The following PARD3B variants were observed in gnomAD, a reference collection of about 807,000 sequenced individuals.
PARD3B encodes the protein par-3 family cell polarity regulator beta.
PARD3B carries 103 observed loss-of-function variants against 130.2 expected under a neutral mutation model. That is an observed-to-expected ratio of 0.79 (90% confidence interval 0.67 to 0.93). The LOEUF (loss-of-function observed/expected upper bound fraction) is 0.93. Ranked by LOEUF, PARD3B falls within the 40% of genes least tolerant of loss-of-function variation. The probability of loss-of-function intolerance (pLI) is 0.00; values close to 1 mark genes in which losing one functional copy is unlikely to be tolerated. For missense variants in PARD3B, 1,609 were observed against 1,499.2 expected (o/e 1.07, Z -1.21); for synonymous variants, 583 against 553.2 (o/e 1.05, Z -0.76).
chr2:204,762,296 T>G (rs1406209382), intron 2 of PARD3B, among the ~76,000 whole-genome samples: 1 of 151,716 alleles, frequency 6.6e-6, no homozygotes, highest in Non-Finnish European at 1.5e-5. Flanking sequence ...TAATTTTTTG[T>G]AGAGATGGGG....
intron 10 of PARD3B, among the ~76,000 whole-genome samples, chr2:205,152,279 G>C (rs1478970606): frequency 2.0e-5 from 3 of 152,096 alleles, no homozygotes; most frequent in Non-Finnish European, 4.4e-5. Context: ...GGCGTTCTCT[G>C]TATTTCCTGA....
intron 5 of PARD3B, among the ~76,000 whole-genome samples, chr2:205,106,525 G>A (rs74838857): frequency 0.23 from 27,151 of 116,454 alleles, 2,715 homozygotes; most frequent in Middle Eastern, 0.31. Flanking sequence ...GTGTGTGTGT[G>A]TGTGTATATT....
intron 18 of PARD3B, among the ~76,000 whole-genome samples, chr2:205,342,771 T>G (rs911326554): frequency 6.6e-6 from 1 of 152,226 alleles, no homozygotes; most frequent in African/African-American, 2.4e-5. Context: ...CCTGAGTTAC[T>G]GTGTTCTTTG....
At chr2:204,805,483 A>T (rs754993828) in intron 2 of PARD3B, among the ~76,000 whole-genome samples, 7 of 152,060 alleles carry the variant, frequency 4.6e-5, no homozygotes, top group Non-Finnish European at 1.0e-4. Context: ...ATTTCACCAA[A>T]CATTTAAGGA....
chr2:205,178,251 C>T (rs1218404825), intron 13 of PARD3B, among the ~76,000 whole-genome samples: 1 of 135,226 alleles, frequency 7.4e-6, no homozygotes, highest in Non-Finnish European at 1.5e-5. Flanking sequence ...AAGAAGCTGA[C>T]TTTACTTAGT....
intron 2 of PARD3B, among the ~76,000 whole-genome samples, chr2:204,712,033 A>G (rs1034115291): frequency 1.3e-5 from 2 of 152,236 alleles, no homozygotes; most frequent in African/African-American, 4.8e-5. Context: ...TTTGTTTGGT[A>G]GGAAAATCAA....
intron 18 of PARD3B, among the ~76,000 whole-genome samples, chr2:205,343,843 CT>C (rs1270401970): frequency 2.6e-5 from 4 of 152,094 alleles, no homozygotes; most frequent in Non-Finnish European, 5.9e-5. Flanking sequence ...CCCTCACCCC[CT>C]ATGCCTGACC....
At chr2:204,931,787 A>G (rs1179217365) in intron 2 of PARD3B, among the ~76,000 whole-genome samples, 1 of 152,048 alleles carries the variant, frequency 6.6e-6, no homozygotes, top group East Asian at 1.9e-4. Flanking sequence ...ATCCAAACTA[A>G]GAGTGGGGGG....
intron 3 of PARD3B, among the ~76,000 whole-genome samples, chr2:204,997,831 A>G (rs1315259537): frequency 6.7e-6 from 1 of 150,162 alleles, no homozygotes; most frequent in Middle Eastern, 3.2e-3. Context: ...ACATTTATAG[A>G]TATATAATTA....
Position 205,034,741 on chromosome 2 carries a change from G to A in PARD3B, c.395-12840G>A, listed in dbSNP as rs376121458. On this transcript the variant is annotated intron_variant, in intron 3 of 22. Transcript: ENST00000406610. Reference sequence around the variant, plus strand: ...AAAATAATCGCAATTTATAAATAAAGTTAACATACTAGAGATGACAAAATG... The same window carrying A: ...AAAATAATCGCAATTTATAAATAAAATTAACATACTAGAGATGACAAAATG... Among the ~76,000 whole-genome samples, 5 of 152,010 alleles carry A rather than the reference G, an allele frequency of 3.3e-5. No homozygotes were observed. The East Asian group carries it at 7.7e-4, about 23-fold the overall frequency.
At position 205,158,587 on chromosome 2, in the gene PARD3B, G is replaced by A; in HGVS notation, c.1435-135G>A. The A allele has an allele frequency of 3.4e-6, 3 of 886,384 alleles. No homozygotes were observed. The highest frequency in any genetic ancestry group is 5.2e-6 in the Non-Finnish European group (3 of 578,024). 54.9% of individuals were successfully genotyped at this position (886,384 alleles called of 1,614,324 possible). ...GGAGAGCTAAACCCAGCCTTTGCCTGCCAGGAGCCGATTACAGCTGTGAGA... is the reference window on the plus strand; with the variant it reads ...GGAGAGCTAAACCCAGCCTTTGCCTACCAGGAGCCGATTACAGCTGTGAGA... On this transcript the variant is annotated intron_variant, in intron 10 of 22. Transcript: ENST00000406610. The surrounding 1 kb of genome is among the most constrained non-coding windows in gnomAD (Gnocchi z 5.4).
intron 4 of PARD3B, among the ~76,000 whole-genome samples, chr2:205,055,387 A>G (rs1699567495): frequency 1.3e-5 from 2 of 152,216 alleles, no homozygotes; most frequent in Non-Finnish European, 2.9e-5. Flanking sequence ...AATTAAAAAG[A>G]AAGAACATTT....
chr2:205,277,741 G>A lies in PARD3B; in HGVS notation c.2186-22789G>A, dbSNP rs137957003. ...GGAAGAACAAAGGAAGGAGAAGAGA[G>A]GTGAAGTAAGATGAGTGAGAGAGGC... is the stretch of plus-strand genomic sequence containing the variant. On this transcript the variant is annotated intron_variant, in intron 16 of 22. Coordinates refer to ENST00000406610, the MANE Select transcript of PARD3B (RefSeq NM_001302769.2). 4.1e-4 allele frequency among the ~76,000 whole-genome samples: 62 copies of A among 152,188 alleles called. 2 individuals carry two copies. The East Asian group carries it at 0.011, about 27-fold the overall frequency.
chr2:204,775,012 A>G (rs558748420), intron 2 of PARD3B, among the ~76,000 whole-genome samples: 34 of 152,264 alleles, frequency 2.2e-4, no homozygotes, highest in African/African-American at 7.7e-4. Context: ...AAAAATGCCA[A>G]TGTACATCCT....
At chr2:205,382,200 G>T (rs2045476816) in intron 18 of PARD3B, among the ~76,000 whole-genome samples, 1 of 151,876 alleles carries the variant, frequency 6.6e-6, no homozygotes, top group African/African-American at 2.4e-5. Context: ...GTAACTCCTT[G>T]GTCCCCTGTG....
At chr2:204,620,418 C>A (rs1223097929) in intron 1 of PARD3B, among the ~76,000 whole-genome samples, 1 of 152,126 alleles carries the variant, frequency 6.6e-6, no homozygotes, top group Non-Finnish European at 1.5e-5. Flanking sequence ...AAGGCTACAG[C>A]CCAGAAGTGG....
In PARD3B at chr2:205,461,261, C is replaced by G. The variant is rs1401489617; in HGVS notation, c.3044+20589C>G. On this transcript the variant is annotated intron_variant, in intron 20 of 22. Transcript: ENST00000406610. The surrounding 1 kb of genome is among the most constrained non-coding windows in gnomAD (Gnocchi z 4.3). ...TGCTGAAAGAGGCATGAAAGGCACTCTGGGCAGAGGAGCAGCATGGGGGAT... is the reference window on the plus strand; with the variant it reads ...TGCTGAAAGAGGCATGAAAGGCACTGTGGGCAGAGGAGCAGCATGGGGGAT... Among the ~76,000 whole-genome samples the G allele has an allele frequency of 6.6e-6, 1 of 152,110 alleles. No homozygotes were observed. The highest frequency in any genetic ancestry group is 1.5e-5 in the Non-Finnish European group (1 of 68,020).
chr2:205,102,124 C>T (rs1370330534), intron 4 of PARD3B, among the ~76,000 whole-genome samples: 4 of 152,128 alleles, frequency 2.6e-5, no homozygotes, highest in Non-Finnish European at 4.4e-5. Context: ...AACTTACAAG[C>T]GATCCAACCC....
At chr2:204,970,036 T>C (rs1420525450) in intron 3 of PARD3B, among the ~76,000 whole-genome samples, 1 of 152,172 alleles carries the variant, frequency 6.6e-6, no homozygotes, top group Non-Finnish European at 1.5e-5. Flanking sequence ...CTTTCTGATT[T>C]TTTAAGTATG....
Sources: allele counts gnomAD v4.1 joint callset (sites outside exome capture counted in the v4.1 genomes callset), GRCh38; gene constraint gnomAD v4.1.1; non-coding constraint Gnocchi (gnomAD v3.1); transcripts MANE v1.5; gene names NCBI Gene and HGNC (gene_info 2026-07-23, HGNC 2026-07-21).